ABLIM3: variants seen among roughly 807,000 people sequenced by gnomAD.
ABLIM3 encodes actin-binding LIM protein 3.
In ABLIM3, 61 loss-of-function variants were observed where a neutral mutation model predicts 109.5. The observed-to-expected ratio is 0.56, with a 90% CI of 0.45 to 0.69. ABLIM3 has a LOEUF of 0.69. Ranked by LOEUF, ABLIM3 falls within the 30% of genes least tolerant of loss-of-function variation. ABLIM3 has a pLI of 0.00. For missense variants in ABLIM3, 796 were observed against 889.5 expected, an observed-to-expected ratio of 0.89 and a Z score of 1.34; for synonymous variants, 300 against 324.8, an observed-to-expected ratio of 0.92 and a Z score of 0.82.
At chr5:149,246,714 ACTAGATCCAACTG>A (rs1753397330) in intron 17 of ABLIM3, among the ~76,000 whole-genome samples, 168 bp downstream of exon 17, 1 of 152,266 alleles carries the variant, frequency 6.6e-6, no homozygotes, top group Non-Finnish European at 1.5e-5. Context: ...TTAAAGTATG[ACTAGATCCAACTG>A]CTCAAAAAAA....
intron 2 of ABLIM3, among the ~76,000 whole-genome samples, chr5:149,149,927 A>G (rs1580983816): frequency 2.6e-5 from 4 of 152,284 alleles, no homozygotes; most frequent in Admixed American, 2.0e-4. Flanking sequence ...CCAGCTGGCT[A>G]TGGGGTGAAG....
chr5:149,252,727 A>C (rs201277684), intron 22 of ABLIM3, 30 bp from the exon 23 acceptor site: 437 of 1,586,074 alleles, frequency 2.8e-4, no homozygotes, highest in Non-Finnish European at 3.7e-4. Flanking sequence ...ACCCTCACCC[A>C]AGCTGGAGAC....
At position 149,206,514 on chromosome 5, in the gene ABLIM3, T is replaced by C. The variant is rs113522874; in HGVS notation, c.449-494T>C. On this transcript the variant is annotated intron_variant, in intron 5 of 23. Transcript: ENST00000309868. ...AATATAAACACAGCCCTTGCCAATG[T>C]GTATATAGCCTAAGGGTTTGAAAAA... 9.8e-3 allele frequency among the ~76,000 whole-genome samples: 1,493 copies of C among 152,338 alleles called. 18 individuals are homozygous for C. The highest frequency in any genetic ancestry group is 0.034 in the African/African-American group (1,428 of 41,578).
chr5:149,192,639 A>G lies in ABLIM3; in HGVS notation c.152-5580A>G, dbSNP rs1419973259. Among the ~76,000 whole-genome samples the G allele has an allele frequency of 3.8e-5, 5 of 130,570 alleles. No homozygotes were observed. The South Asian group carries it at 1.2e-3, about 32-fold the overall frequency. 85.7% of individuals were successfully genotyped at this position (130,570 alleles called of 152,430 possible). A position where few individuals can be genotyped will look rare whatever the true frequency, so the allele number is the denominator to read the frequency against. ...GACTCCGTCTCAAAAAAAAAAAAGA[A>G]AAAAAAAAAAAAGAAAGAAACACTC... On this transcript the variant is annotated intron_variant, in intron 3 of 23. Coordinates refer to ENST00000309868, the MANE Select transcript of ABLIM3 (RefSeq NM_014945.5).
intron 8 of ABLIM3, among the ~76,000 whole-genome samples, chr5:149,226,681 C>T (rs777317007): frequency 2.7e-4 from 41 of 152,248 alleles, no homozygotes; most frequent in African/African-American, 6.3e-4. Context: ...TAAACAGAAC[C>T]GTCCAATGGA....
chr5:149,237,150 T>C (rs1205260686), intron 10 of ABLIM3, among the ~76,000 whole-genome samples: 2 of 152,132 alleles, frequency 1.3e-5, no homozygotes, highest in Non-Finnish European at 2.9e-5. Flanking sequence ...AGCTAGAAAA[T>C]AGAAATGATA....
intron 2 of ABLIM3, among the ~76,000 whole-genome samples, chr5:149,174,026 A>C (rs1398308603): frequency 6.7e-6 from 1 of 149,570 alleles, no homozygotes. Context: ...CGTCTCAAAA[A>C]AAAAAAAAAA....
chr5:149,215,161 G>A (rs79091143), intron 7 of ABLIM3, among the ~76,000 whole-genome samples: 2,244 of 152,284 alleles, frequency 0.015, 22 homozygotes, highest in Non-Finnish European at 0.024. Context: ...TTTTGCCAAG[G>A]CACTGTTGCC....
chr5:149,155,192 T>C (rs1049425404), intron 2 of ABLIM3, among the ~76,000 whole-genome samples: 3 of 152,182 alleles, frequency 2.0e-5, no homozygotes, highest in African/African-American at 7.2e-5. Context: ...GCTCCTCCTT[T>C]TTACCATCTT....
intron 6 of ABLIM3, 93 bp from the exon 7 acceptor site, chr5:149,210,633 T>C: frequency 9.4e-7 from 1 of 1,064,500 alleles, no homozygotes; most frequent in Middle Eastern, 2.3e-4. Flanking sequence ...TTTGGCTCAG[T>C]CAACATAGGC....
chr5:149,183,552 C>G lies in ABLIM3; in HGVS notation c.114C>G (p.His38Gln). Residue 38 changes from histidine to glutamine, a missense_variant, in exon 3 of 24, where the codon CAC becomes CAG. His to Gln is a conservative substitution (Grantham distance 24, BLOSUM62 0). Coordinates refer to ENST00000309868, the MANE Select transcript of ABLIM3 (RefSeq NM_014945.5). The part of the protein sequence containing the change: ...DTCKGEVVRV[H>Q]NNHFHIRCFT... ...GCAAAGGGGAAGTGGTCCGCGTGCA[C>G]AACAACCACTTCCACATCAGATGCT... 1 of 1,587,852 alleles carries G rather than the reference C, an allele frequency of 6.3e-7. No homozygotes were observed. Among genetic ancestry groups the G allele is most frequent in the Non-Finnish European group, 8.6e-7 (1 of 1,167,970 alleles).
chr5:149,218,637 T>G (rs1760334407), intron 8 of ABLIM3: 1 of 152,250 alleles, frequency 6.6e-6, no homozygotes, highest in South Asian at 2.1e-4. Context: ...GGAGAGACTT[T>G]GTTTGGACTT....
At chr5:149,216,464 C>G (rs1447509388) in intron 7 of ABLIM3, 2 of 153,546 alleles carry the variant, frequency 1.3e-5, no homozygotes, top group African/African-American at 4.8e-5. Context: ...CACATAAGCA[C>G]CGAACTGGTA....
intron 2 of ABLIM3, among the ~76,000 whole-genome samples, chr5:149,168,564 C>T (rs1454652689): frequency 6.6e-6 from 1 of 152,158 alleles, no homozygotes; most frequent in African/African-American, 2.4e-5. Context: ...AACAGCTCTT[C>T]CTAAAAGGAA....
chr5:149,221,830 T>C (rs1419006130), intron 8 of ABLIM3, among the ~76,000 whole-genome samples: 1 of 152,172 alleles, frequency 6.6e-6, no homozygotes, highest in African/African-American at 2.4e-5. Context: ...AATTTTGCTC[T>C]TGTTCTAAAT....
chr5:149,248,468 G>A (rs1753608010), intron 18 of ABLIM3, among the ~76,000 whole-genome samples: 2 of 152,232 alleles, frequency 1.3e-5, no homozygotes, highest in African/African-American at 4.8e-5. Context: ...GAGGCGGGCA[G>A]ATCATGAGGT....
intron 2 of ABLIM3, among the ~76,000 whole-genome samples, chr5:149,169,086 C>A (rs73798013): frequency 5.6e-5 from 7 of 125,470 alleles, no homozygotes; most frequent in African/African-American, 1.9e-4. Flanking sequence ...TGCTGTAGGA[C>A]CCCCCCACCC....
intron 3 of ABLIM3, among the ~76,000 whole-genome samples, chr5:149,196,548 GCACCTGGCCTCT>G (rs1462007962): frequency 6.6e-6 from 1 of 152,228 alleles, no homozygotes; most frequent in Non-Finnish European, 1.5e-5. Flanking sequence ...GGCCTGGCCA[GCACCTGGCCTCT>G]CAGAGGCAAT....
In ABLIM3 at chr5:149,250,518, G is replaced by T. The variant is rs1195594161; in HGVS notation, c.1788+13G>T. On this transcript the variant is annotated intron_variant, in intron 20 of 23. Coordinates refer to ENST00000309868, the MANE Select transcript of ABLIM3 (RefSeq NM_014945.5). ...TGGGCTGCACAGGGTAAGAAGCTGTGCTGGAGGATGGGGGAGGACGTTGTC... is the reference window on the plus strand; with the variant it reads ...TGGGCTGCACAGGGTAAGAAGCTGTTCTGGAGGATGGGGGAGGACGTTGTC... 1.9e-6 allele frequency: 3 copies of T among 1,614,060 alleles called. No individual in the cohort carries two copies. The highest frequency in any genetic ancestry group is 2.7e-5 in the African/African-American group (2 of 74,940).
Sources: gnomAD v4.1 joint callset for allele counts (sites outside exome capture counted in the v4.1 genomes callset) on GRCh38, gnomAD v4.1.1 for gene constraint, MANE v1.5 for transcripts, NCBI Gene and HGNC (gene_info 2026-07-23, HGNC 2026-07-21) for gene names.